Variants in DCAF4 observed in about 807,000 individuals in gnomAD.
The protein encoded by DCAF4 is DDB1- and CUL4-associated factor 4.
In DCAF4, 37 loss-of-function variants were observed where a neutral mutation model predicts 60.9. The observed-to-expected ratio is 0.61, with a 90% CI of 0.47 to 0.80. DCAF4 has a LOEUF of 0.80. Among genes scored for constraint, DCAF4 ranks in the 30% least tolerant of loss-of-function variants. The pLI, the probability that DCAF4 is intolerant of heterozygous loss-of-function variation, is 0.00. For synonymous variants in DCAF4, 243 were observed against 254.8 expected (o/e 0.95, Z 0.44); for missense variants, 577 against 650.0 (o/e 0.89, Z 1.22).
In DCAF4 at chr14:72,954,259, A is replaced by ATTTGCCTGGCT; in HGVS notation, c.904_905insTTTGCCTGGCT (p.Thr302IlefsTer13). 1.2e-6 allele frequency: 2 copies of ATTTGCCTGGCT among 1,614,194 alleles called. No individual in the cohort carries two copies. The highest frequency in any genetic ancestry group is 4.5e-5 in the East Asian group (2 of 44,876). ...TATCCAAGCAAATAACTGCTTCAGT[A>ATTTGCCTGGCT]CAGGTGAGCCTGGCTCCCCAGGTGC... On this transcript the variant is annotated frameshift_variant, in exon 10 of 14. Coordinates refer to ENST00000358377, the MANE Select transcript of DCAF4 (RefSeq NM_015604.4). LOFTEE classifies it high-confidence loss of function.
intron 2 of DCAF4, 136 bp downstream of exon 2, chr14:72,938,206 G>C (rs1295101406): frequency 3.2e-6 from 4 of 1,252,170 alleles, no homozygotes; most frequent in Non-Finnish European, 4.3e-6. Context: ...GTAGGTCTGA[G>C]GGGTCTTGAG....
chr14:72,945,060 G>C (rs1336418873), intron 6 of DCAF4, among the ~76,000 whole-genome samples: 1 of 151,764 alleles, frequency 6.6e-6, no homozygotes, highest in Middle Eastern at 3.2e-3. Flanking sequence ...CTGTACTTCA[G>C]CCTGGGCGAC....
At chr14:72,948,892 C>T (rs993170591) in intron 8 of DCAF4, among the ~76,000 whole-genome samples, 1 of 152,186 alleles carries the variant, frequency 6.6e-6, no homozygotes, top group Non-Finnish European at 1.5e-5. Context: ...TAACCTGTGG[C>T]CTGTCAAAGG....
intron 9 of DCAF4, among the ~76,000 whole-genome samples, chr14:72,953,733 ATATAT>A (rs1430464823): frequency 0.011 from 276 of 24,670 alleles, 65 homozygotes; most frequent in African/African-American, 0.019. Flanking sequence ...AAAAAAAAAA[ATATAT>A]ATATATATAT....
chr14:72,956,498 C>T lies in DCAF4; in HGVS notation c.1292C>T (p.Ala431Val). The T allele has an allele frequency of 6.2e-7, 1 of 1,609,868 alleles. No homozygotes were observed. The highest frequency in any genetic ancestry group is 8.5e-7 in the Non-Finnish European group (1 of 1,178,008). ...HVHEEEGILVAVGQDCYTRIW... is the reference protein window; with the variant it reads ...HVHEEEGILVVVGQDCYTRIW... ...CACGAGGAAGAAGGAATCCTGGTGG[C>T]AGGTACTTGAGGAAGGAAGGGGAAG... The change falls in exon 13 of 14, where the codon GCA (alanine) becomes GTA (valine). Residue 431 changes from alanine to valine, a missense_variant and splice_region_variant. By Grantham distance (64) the Ala-to-Val change is moderately conservative. Coordinates refer to ENST00000358377, the MANE Select transcript of DCAF4 (RefSeq NM_015604.4).
At position 72,956,404 on chromosome 14, in the gene DCAF4, A is replaced by C. The variant is rs1169690930; in HGVS notation, c.1198A>C (p.Arg400=). 1 of 1,610,710 alleles carries C rather than the reference A, an allele frequency of 6.2e-7. No homozygotes were observed. Among genetic ancestry groups the C allele is most frequent in the Admixed American group, 1.7e-5 (1 of 59,694 alleles). ...MAGKIKLWDL[R]TTKCVRQYEG... is the part of the protein sequence containing the mutation. ...TCCACAGATCAAGCTGTGGGACCTG[A>C]GGACCACGAAGTGCGTAAGGCAGTA... The change falls in exon 13 of 14, where the codon AGG becomes CGG. Residue 400 remains arginine (R), a synonymous_variant. Transcript: ENST00000358377.
intron 1 of DCAF4, among the ~76,000 whole-genome samples, chr14:72,931,986 TTC>T (rs1430314174): frequency 2.9e-4 from 36 of 124,780 alleles, no homozygotes; most frequent in Admixed American, 5.7e-4. Flanking sequence ...ATATTTTTCC[TTC>T]TTTTTTTTTT....
In DCAF4 at chr14:72,939,792, G is replaced by A; in HGVS notation, c.93-10G>A. On this transcript the variant is annotated splice_polypyrimidine_tract_variant and intron_variant, in intron 2 of 13. Transcript: ENST00000358377. ...CTGGGCTGCAAGTTAACACAGCTGT[G>A]TGTCAACAGGTCTGACTCCCGGGCA... is the stretch of plus-strand genomic sequence containing the variant. 6.2e-7 allele frequency: 1 copy of A among 1,607,148 alleles called. No homozygotes were observed.
chr14:72,946,105 A>G (rs778535290), intron 7 of DCAF4, 78 bp downstream of exon 7: 8 of 1,548,726 alleles, frequency 5.2e-6, no homozygotes, highest in Non-Finnish European at 7.1e-6. Flanking sequence ...AGAGGAGAGC[A>G]ACTGGGGAAG....
intron 8 of DCAF4, among the ~76,000 whole-genome samples, chr14:72,948,164 C>G (rs1439927723): frequency 2.0e-5 from 3 of 152,100 alleles, no homozygotes; most frequent in African/African-American, 7.2e-5. Context: ...TTTCACAGCA[C>G]TGTATTTCAA....
chr14:72,929,645 A>T, intron 1 of DCAF4: 1 of 1,306,702 alleles, frequency 7.7e-7, no homozygotes, highest in East Asian at 2.4e-5. Context: ...TCCTCATGGC[A>T]GCCAGTACCT....
At chr14:72,954,680 T>TTG (rs1892040766) in intron 11 of DCAF4, among the ~76,000 whole-genome samples, 197 bp downstream of exon 11, 1 of 151,940 alleles carries the variant, frequency 6.6e-6, no homozygotes, top group Middle Eastern at 3.2e-3. Context: ...CTGGCCTGAG[T>TTG]TGCTCTACAC....
At position 72,947,272 on chromosome 14, in the gene DCAF4, T is replaced by C. The variant is rs536501101; in HGVS notation, c.728+81T>C. 7 of 1,519,340 alleles carry C rather than the reference T, an allele frequency of 4.6e-6. No individual in the cohort carries two copies. The African/African-American group carries it at 9.6e-5, about 21-fold the overall frequency. The allele number at this position is 1,519,340 out of a possible 1,614,324, so 94.1% of individuals were successfully genotyped here. On this transcript the variant is annotated intron_variant, in intron 8 of 13. Coordinates refer to ENST00000358377, the MANE Select transcript of DCAF4 (RefSeq NM_015604.4). ...CTGGGTATCTGTGGGCTTCATGACATGGCATCTTAGTGACCAGAGGACTAG... is the reference window on the plus strand; with the variant it reads ...CTGGGTATCTGTGGGCTTCATGACACGGCATCTTAGTGACCAGAGGACTAG...
At chr14:72,927,643 G>A (rs1267163486) in intron 1 of DCAF4, among the ~76,000 whole-genome samples, 2 of 151,394 alleles carry the variant, frequency 1.3e-5, no homozygotes, top group African/African-American at 2.4e-5. Flanking sequence ...GAGCCACCGC[G>A]CCCGGCCTGA....
At chr14:72,954,698 C>T (rs1432373219) in intron 11 of DCAF4, among the ~76,000 whole-genome samples, 2 of 152,182 alleles carry the variant, frequency 1.3e-5, no homozygotes, top group African/African-American at 4.8e-5. Flanking sequence ...CACAACCTCT[C>T]ATGGAAAGGT....
Position 72,945,867 on chromosome 14 carries a change from C to A in DCAF4, c.535-17C>A, listed in dbSNP as rs756475141. 1 of 1,614,070 alleles carries A rather than the reference C, an allele frequency of 6.2e-7. No individual in the cohort carries two copies. Among genetic ancestry groups the A allele is most frequent in the Non-Finnish European group, 8.5e-7 (1 of 1,180,024 alleles). ...CGCAGCCTGGGACGTCACCCACTGC[C>A]CCCTTCCCTTCTCCAGGCAGATACC... On this transcript the variant is annotated splice_polypyrimidine_tract_variant and intron_variant, in intron 6 of 13. Transcript: ENST00000358377.
At chr14:72,929,654 C>T in intron 1 of DCAF4, 2 of 1,329,940 alleles carry the variant, frequency 1.5e-6, no homozygotes, top group Non-Finnish European at 2.1e-6. Flanking sequence ...CAGCCAGTAC[C>T]TTGCTCAGCT....
At chr14:72,934,070 C>T (rs901400221) in intron 1 of DCAF4, among the ~76,000 whole-genome samples, 4 of 152,124 alleles carry the variant, frequency 2.6e-5, no homozygotes, top group African/African-American at 9.7e-5. Flanking sequence ...TCTGCAGGCT[C>T]ATCCCCCCCA....
chr14:72,928,889 C>T (rs923325813), intron 1 of DCAF4, among the ~76,000 whole-genome samples: 1 of 152,152 alleles, frequency 6.6e-6, no homozygotes, highest in African/African-American at 2.4e-5. Flanking sequence ...TGGAGAGCCC[C>T]AAGGGGAGAT....
Sources: allele counts gnomAD v4.1 joint callset (sites outside exome capture counted in the v4.1 genomes callset), GRCh38; gene constraint gnomAD v4.1.1; transcripts MANE v1.5; gene names NCBI Gene and HGNC (gene_info 2026-07-23, HGNC 2026-07-21).